SLC44A5: variants seen among roughly 807,000 people sequenced by gnomAD.
SLC44A5 encodes solute carrier family 44 member 5.
In SLC44A5, 57 loss-of-function variants were observed where a neutral mutation model predicts 101.8. The observed-to-expected ratio is 0.56, with a 90% CI of 0.45 to 0.70. The LOEUF (loss-of-function observed/expected upper bound fraction) is 0.70, where lower values mean the gene tolerates loss of function less well. Among genes scored for constraint, SLC44A5 ranks in the 30% least tolerant of loss-of-function variants. The probability of loss-of-function intolerance (pLI) is 0.00; values close to 1 mark genes in which losing one functional copy is unlikely to be tolerated. For synonymous variants in SLC44A5, 281 were observed against 290.9 expected, an observed-to-expected ratio of 0.97 and a Z score of 0.35; for missense variants, 737 against 853.1, an observed-to-expected ratio of 0.86 and a Z score of 1.70.
At position 75,215,800 on chromosome 1, in the gene SLC44A5, C is replaced by T; in HGVS notation, c.1682G>A (p.Cys561Tyr). ...LQCCLRCCFWCLENAIKFLNR... is the reference protein window; with the variant it reads ...LQCCLRCCFWYLENAIKFLNR... Reference sequence around the variant, plus strand: ...TAAAAACTTTATTGCATTTTCCAAACACCAGAAGCAGCATCTCAGGCAGCA... The same window carrying T: ...TAAAAACTTTATTGCATTTTCCAAATACCAGAAGCAGCATCTCAGGCAGCA... The change falls in exon 19 of 24, where the codon TGT (cysteine) becomes TAT (tyrosine). Residue 561 changes from cysteine (C) to tyrosine (Y), a missense_variant. This residue lies in a region of SLC44A5 where 665 missense variants were observed against 764.4 expected (regional missense o/e 0.87). Coordinates refer to ENST00000370859, the MANE Select transcript of SLC44A5 (RefSeq NM_001130058.2). 6.2e-7 allele frequency: 1 copy of T among 1,609,206 alleles called. No homozygotes were observed. Among genetic ancestry groups the T allele is most frequent in the East Asian group, 2.2e-5 (1 of 44,704 alleles).
the SLC44A5 span, among the ~76,000 whole-genome samples, chr1:75,692,656 T>A: frequency 1.3e-5 from 2 of 152,334 alleles, no homozygotes; most frequent in East Asian, 3.9e-4. Flanking sequence ...TCTTATTGCT[T>A]CTGTTTACTC....
Position 75,203,558 on chromosome 1 carries a change from T to C in SLC44A5, c.*169A>G, listed in dbSNP as rs1442652023. 6 of 549,334 alleles carry C rather than the reference T, an allele frequency of 1.1e-5. No individual in the cohort carries two copies. The highest frequency in any genetic ancestry group is 4.4e-5 in the Admixed American group (1 of 22,962). The allele number at this position is 549,334 out of a possible 1,614,324, so 34.0% of individuals were successfully genotyped here. On this transcript the variant is annotated 3_prime_UTR_variant, in exon 24 of 24. Transcript: ENST00000370859. ...TTAACAATTCCCTTGCGACTTCTGA[T>C]GGCTTCACATAGTACAGTATAAGCT...
At chr1:75,698,330 A>G in the SLC44A5 span, among the ~76,000 whole-genome samples, 1 of 152,306 alleles carries the variant, frequency 6.6e-6, no homozygotes, top group Non-Finnish European at 1.5e-5. Context: ...TGCCTCCTCA[A>G]GTGGGTCCCT....
chr1:75,358,118 T>C (rs1659218430), intron 3 of SLC44A5, among the ~76,000 whole-genome samples: 1 of 152,116 alleles, frequency 6.6e-6, no homozygotes, highest in Non-Finnish European at 1.5e-5. Context: ...AAACCGTATC[T>C]GATTCATTGT....
chr1:75,478,948 A>G (rs1418257080), intron 2 of SLC44A5, among the ~76,000 whole-genome samples: 2 of 152,222 alleles, frequency 1.3e-5, no homozygotes, highest in African/African-American at 2.4e-5. Context: ...CAGAATATAC[A>G]TTTGTTTCAG....
At chr1:75,431,086 G>T in intron 2 of SLC44A5, among the ~76,000 whole-genome samples, 1 of 152,074 alleles carries the variant, frequency 6.6e-6, no homozygotes, top group East Asian at 1.9e-4. Flanking sequence ...ACATAATTGA[G>T]AATTCCATGG....
intron 1 of SLC44A5, among the ~76,000 whole-genome samples, chr1:75,568,718 C>T (rs1205283805): frequency 1.3e-5 from 2 of 152,162 alleles, no homozygotes; most frequent in Non-Finnish European, 2.9e-5. Flanking sequence ...TTACCACATC[C>T]CTGCAATAGC....
chr1:75,451,103 C>T (rs1272634126), intron 2 of SLC44A5, among the ~76,000 whole-genome samples: 1 of 152,186 alleles, frequency 6.6e-6, no homozygotes, highest in African/African-American at 2.4e-5. Flanking sequence ...TTGGTAGCTA[C>T]CCACTGGATT....
chr1:75,458,224 G>A (rs1230732583), intron 2 of SLC44A5, among the ~76,000 whole-genome samples: 1 of 152,192 alleles, frequency 6.6e-6, no homozygotes, highest in East Asian at 1.9e-4. Context: ...CAGGCTTGGA[G>A]GTGATAAATG....
chr1:75,375,011 T>C (rs577333612), intron 3 of SLC44A5, among the ~76,000 whole-genome samples: 1 of 152,296 alleles, frequency 6.6e-6, no homozygotes, highest in Non-Finnish European at 1.5e-5. Flanking sequence ...CCTAACCAGA[T>C]TGAAATGTCT....
At chr1:75,402,381 A>G in intron 2 of SLC44A5, 1 of 371,012 alleles carries the variant, frequency 2.7e-6, no homozygotes, top group South Asian at 2.0e-5. Context: ...AATGTTCACT[A>G]CAAGAGGTGG....
intron 12 of SLC44A5, among the ~76,000 whole-genome samples, chr1:75,232,153 G>A (rs1448100813): frequency 6.6e-6 from 1 of 151,882 alleles, no homozygotes; most frequent in Non-Finnish European, 1.5e-5. Context: ...TTAATTTTTG[G>A]GTTAATACTA....
the SLC44A5 span, among the ~76,000 whole-genome samples, chr1:75,716,362 T>G: frequency 1.3e-5 from 2 of 151,860 alleles, no homozygotes; most frequent in Non-Finnish European, 2.9e-5. Flanking sequence ...TCCCAGCCAC[T>G]TGGGAGGCTG....
intron 2 of SLC44A5, among the ~76,000 whole-genome samples, chr1:75,434,865 T>G (rs1449231160): frequency 1.3e-5 from 2 of 152,138 alleles, no homozygotes; most frequent in Admixed American, 1.3e-4. Flanking sequence ...TTTCTCCAAG[T>G]CTTCCTGTAA....
At chr1:75,505,706 G>A (rs568082077) in intron 2 of SLC44A5, among the ~76,000 whole-genome samples, 23 of 151,912 alleles carry the variant, frequency 1.5e-4, no homozygotes, top group Non-Finnish European at 3.1e-4. Context: ...GGTTATCTGG[G>A]TTTTGCTTGT....
the SLC44A5 span, among the ~76,000 whole-genome samples, chr1:75,640,465 C>T: frequency 6.6e-6 from 1 of 152,028 alleles, no homozygotes; most frequent in Non-Finnish European, 1.5e-5. Context: ...AGGGACTACA[C>T]AAGCATATGG....
At chr1:75,544,628 A>T (rs1671545938) in intron 1 of SLC44A5, among the ~76,000 whole-genome samples, 1 of 152,186 alleles carries the variant, frequency 6.6e-6, no homozygotes, top group African/African-American at 2.4e-5. Flanking sequence ...ATGTTCTCAT[A>T]AATTAACACA....
At chr1:75,627,333 G>C in the SLC44A5 span, among the ~76,000 whole-genome samples, 27 of 151,930 alleles carry the variant, frequency 1.8e-4, no homozygotes, top group Admixed American at 6.6e-5. Context: ...TAGGGGATAG[G>C]GTTGCAATAG....
Position 75,606,011 on chromosome 1 carries a change from C to T in SLC44A5, c.-70+5029G>A, listed in dbSNP as rs528533282. On this transcript the variant is annotated intron_variant, in intron 1 of 23. Transcript: ENST00000370859. ...GTCTCTACCCACTGGATGCCACCAG[C>T]GCCACTCCAGTCATGACAATCAAAA... is the stretch of plus-strand genomic sequence containing the variant. 8.0e-4 allele frequency among the ~76,000 whole-genome samples: 121 copies of T among 152,118 alleles called. 1 individual carries two copies. Among genetic ancestry groups the T allele is most frequent in the African/African-American group, 2.8e-3 (117 of 41,522 alleles).
Sources: gnomAD v4.1 joint callset for allele counts (sites outside exome capture counted in the v4.1 genomes callset) on GRCh38, gnomAD v4.1.1 for gene constraint, gnomAD v4.1.1 regional missense constraint, MANE v1.5 for transcripts, NCBI Gene and HGNC (gene_info 2026-07-23, HGNC 2026-07-21) for gene names.